The following MGAT4C variants were observed in gnomAD, a reference collection of about 807,000 sequenced individuals.
MGAT4C encodes the protein alpha-1,3-mannosyl-glycoprotein 4-beta-N-acetylglucosaminyltransferase C.
A neutral mutation model predicts 40.1 loss-of-function variants in MGAT4C; 19 were observed. The ratio of observed to expected loss-of-function variants is 0.47; its 90% CI spans 0.33 to 0.70. MGAT4C has a LOEUF of 0.70. MGAT4C is among the 30% of genes least tolerant of loss of function. The pLI is 0.02. For missense variants in MGAT4C, 491 were observed against 563.2 expected (o/e 0.87, Z 1.30); for synonymous variants, 181 against 187.1 (o/e 0.97, Z 0.27).
At chr12:86,290,073 G>A (rs1453614151) in intron 4 of MGAT4C, among the ~76,000 whole-genome samples, 2 of 151,404 alleles carry the variant, frequency 1.3e-5, no homozygotes, top group Non-Finnish European at 1.5e-5. Flanking sequence ...TTGAGACGGA[G>A]TCTTGCTCTG....
At chr12:86,769,023 C>A (rs1273289375) in intron 1 of MGAT4C, among the ~76,000 whole-genome samples, 1 of 151,366 alleles carries the variant, frequency 6.6e-6, no homozygotes, top group Non-Finnish European at 1.5e-5. Context: ...CAAATGGGAT[C>A]TAATTAAACG....
intron 1 of MGAT4C, among the ~76,000 whole-genome samples, chr12:86,785,154 C>T (rs916382945): frequency 1.3e-5 from 2 of 152,028 alleles, no homozygotes; most frequent in Admixed American, 6.6e-5. Context: ...CTATTTCATG[C>T]ACTATTTATC....
At chr12:86,477,717 G>GTA in intron 2 of MGAT4C, among the ~76,000 whole-genome samples, 1 of 152,046 alleles carries the variant, frequency 6.6e-6, no homozygotes, top group East Asian at 1.9e-4. Flanking sequence ...TTTACATTAG[G>GTA]TATATCTCCT....
intron 4 of MGAT4C, among the ~76,000 whole-genome samples, chr12:86,321,403 A>G (rs1246331454): frequency 6.6e-6 from 1 of 152,176 alleles, no homozygotes; most frequent in Non-Finnish European, 1.5e-5. Flanking sequence ...TGAAGATATC[A>G]GAAACTTCTT....
intron 1 of MGAT4C, among the ~76,000 whole-genome samples, chr12:86,131,306 A>C (rs1313444999): frequency 6.6e-6 from 1 of 152,084 alleles, no homozygotes; most frequent in African/African-American, 2.4e-5. Flanking sequence ...ATACTAATTC[A>C]TTTCTGATCC....
At chr12:86,580,044 T>C (rs1381983591) in intron 2 of MGAT4C, among the ~76,000 whole-genome samples, 1 of 151,526 alleles carries the variant, frequency 6.6e-6, no homozygotes, top group African/African-American at 2.4e-5. Flanking sequence ...ATTTGCTTGG[T>C]GGTCTATAAT....
intron 1 of MGAT4C, among the ~76,000 whole-genome samples, chr12:86,835,588 CCT>C (rs2136240500): frequency 6.6e-6 from 1 of 152,012 alleles, no homozygotes; most frequent in Admixed American, 6.6e-5. Flanking sequence ...ATTTCCATAT[CCT>C]TTGGGAAAAT....
intron 4 of MGAT4C, among the ~76,000 whole-genome samples, chr12:86,310,378 T>C (rs547980029): frequency 1.3e-4 from 20 of 152,254 alleles, no homozygotes; most frequent in Non-Finnish European, 2.2e-4. Context: ...CAACAAAGAA[T>C]GGTATGGCAA....
At chr12:86,407,909 T>G (rs1417490729) in intron 3 of MGAT4C, among the ~76,000 whole-genome samples, 2 of 152,076 alleles carry the variant, frequency 1.3e-5, no homozygotes. Flanking sequence ...AGTTAACAGA[T>G]ATCCAATAGT....
chr12:86,236,802 T>G (rs76875764), intron 1 of MGAT4C, among the ~76,000 whole-genome samples: 1 of 152,046 alleles, frequency 6.6e-6, no homozygotes, highest in East Asian at 1.9e-4. Context: ...AGAAATAATT[T>G]AATATGAGCA....
intron 2 of MGAT4C, among the ~76,000 whole-genome samples, chr12:86,489,587 A>T (rs1238354225): frequency 6.6e-6 from 1 of 152,216 alleles, no homozygotes; most frequent in Admixed American, 6.5e-5. Context: ...TTGGGATCAC[A>T]GGCACCCTGA....
intron 1 of MGAT4C, among the ~76,000 whole-genome samples, chr12:86,742,261 G>C (rs1338710603): frequency 6.6e-6 from 1 of 151,336 alleles, no homozygotes; most frequent in East Asian, 1.9e-4. Context: ...TCCCTATTTG[G>C]AATATTTTGT....
intron 2 of MGAT4C, among the ~76,000 whole-genome samples, chr12:86,040,370 G>C (rs1048404937): frequency 6.6e-6 from 1 of 152,190 alleles, no homozygotes; most frequent in South Asian, 2.1e-4. Flanking sequence ...CCAGGGAGGT[G>C]GGGCTTTTAT....
intron 2 of MGAT4C, among the ~76,000 whole-genome samples, chr12:86,490,839 A>G (rs1286306070): frequency 3.3e-5 from 5 of 152,138 alleles, no homozygotes; most frequent in Admixed American, 6.6e-5. Context: ...ATGGTAAAGG[A>G]ATCAATTCAA....
chr12:86,492,303 G>C (rs1958153291), intron 2 of MGAT4C, among the ~76,000 whole-genome samples: 1 of 152,172 alleles, frequency 6.6e-6, no homozygotes, highest in East Asian at 1.9e-4. Flanking sequence ...CTACTTTTAA[G>C]TTCATATGGA....
intron 1 of MGAT4C, among the ~76,000 whole-genome samples, chr12:86,184,975 C>G (rs1888585690): frequency 6.6e-6 from 1 of 152,154 alleles, no homozygotes; most frequent in Admixed American, 6.5e-5. Flanking sequence ...AGGAAAGTCA[C>G]TTTGAAATTA....
At chr12:86,290,333 G>A (rs1010441783) in intron 4 of MGAT4C, among the ~76,000 whole-genome samples, 5 of 152,042 alleles carry the variant, frequency 3.3e-5, no homozygotes, top group Admixed American at 6.6e-5. Flanking sequence ...CACCGCACCC[G>A]GCCTCTAACT....
At chr12:86,600,063 G>T (rs1961707667) in intron 2 of MGAT4C, among the ~76,000 whole-genome samples, 1 of 152,110 alleles carries the variant, frequency 6.6e-6, no homozygotes, top group Non-Finnish European at 1.5e-5. Context: ...TAAAAGAAAA[G>T]AAACACTTTT....
chr12:86,827,857 T>C (rs971593323), intron 1 of MGAT4C, among the ~76,000 whole-genome samples: 15 of 151,460 alleles, frequency 9.9e-5, no homozygotes, highest in Non-Finnish European at 2.1e-4. Context: ...AGTGGAAAAA[T>C]TATCATGAAG....
Sources: gnomAD v4.1 joint callset for allele counts (sites outside exome capture counted in the v4.1 genomes callset) on GRCh38, gnomAD v4.1.1 for gene constraint, MANE v1.5 for transcripts, NCBI Gene and HGNC (gene_info 2026-07-23, HGNC 2026-07-21) for gene names.